ZNF519: variants seen among roughly 807,000 people sequenced by gnomAD.
ZNF519 encodes the protein zinc finger protein 519.
ZNF519 carries 7 observed loss-of-function variants against 7.4 expected under a neutral mutation model. The ratio of observed to expected loss-of-function variants is 0.94; its 90% confidence interval spans 0.54 to 1.77. ZNF519 has a LOEUF of 1.77. ZNF519 is among the 40% of genes most tolerant of loss of function. The pLI, the probability that ZNF519 is intolerant of heterozygous loss-of-function variation, is 0.00. For synonymous variants in ZNF519, 179 were observed against 203.3 expected, an observed-to-expected ratio of 0.88 and a Z score of 1.02; for missense variants, 586 against 623.1, an observed-to-expected ratio of 0.94 and a Z score of 0.63.
At chr18:14,091,861 G>A (rs113928451) in intron 2 of ZNF519, among the ~76,000 whole-genome samples, 6 of 152,218 alleles carry the variant, frequency 3.9e-5, no homozygotes, top group African/African-American at 1.2e-4. Context: ...GGACAGAAAC[G>A]ACAATAGCCC....
intron 3 of ZNF519, chr18:14,082,387 A>T (rs2046073957): frequency 6.6e-6 from 1 of 152,184 alleles, no homozygotes. Context: ...TATAGTTTTA[A>T]AAAAGAATAC....
At chr18:14,118,524 T>G (rs1179382397) in intron 2 of ZNF519, among the ~76,000 whole-genome samples, 1 of 152,080 alleles carries the variant, frequency 6.6e-6, no homozygotes, top group Non-Finnish European at 1.5e-5. Flanking sequence ...AAACAGGCAG[T>G]AGAAAGATGA....
chr18:14,086,385 T>C (rs1054684962), intron 2 of ZNF519, among the ~76,000 whole-genome samples: 1 of 152,180 alleles, frequency 6.6e-6, no homozygotes, highest in African/African-American at 2.4e-5. Flanking sequence ...GCCGTGGAAC[T>C]TGAGGATCCC....
downstream of ZNF519, among the ~76,000 whole-genome samples, chr18:14,095,820 G>A (rs1241055812): frequency 6.6e-6 from 1 of 152,216 alleles, no homozygotes; most frequent in African/African-American, 2.4e-5. Flanking sequence ...AGGACTGGGG[G>A]AGAAAAGGTA....
rs140011753 is a variant in ZNF519, at chr18:14,082,423, A to G, written c.*177+2454T>C. 293 of 152,248 alleles carry G rather than the reference A, an allele frequency of 1.9e-3. 3 individuals carry two copies. The highest frequency in any genetic ancestry group is 6.7e-3 in the African/African-American group (280 of 41,540). The allele number at this position is 152,248 out of a possible 1,614,324, so 9.4% of individuals were successfully genotyped here. ...TACATAACAATAGATTCACCGAACT[A>G]TTTTTTCAACTCACATAATTATGTG... is the stretch of plus-strand genomic sequence containing the variant. On this transcript the variant is annotated intron_variant and NMD_transcript_variant, in intron 3 of 4. Transcript: ENST00000587419.
intron 2 of ZNF519, among the ~76,000 whole-genome samples, chr18:14,120,974 T>TAC (rs892049662): frequency 6.6e-6 from 1 of 151,726 alleles, no homozygotes; most frequent in African/African-American, 2.4e-5. Flanking sequence ...TGTGTGTACA[T>TAC]ACACACACAC....
chr18:14,073,242 A>ATTTATTTATTTATTTATT (rs1555628622), downstream of ZNF519: 1 of 146,508 alleles, frequency 6.8e-6, no homozygotes, highest in Non-Finnish European at 1.5e-5. Context: ...TTTTATTTTT[A>ATTTATTTATTTATTTATT]TATTTATTTA....
chr18:14,071,718 TATG>T (rs2046029120), downstream of ZNF519: 1 of 152,080 alleles, frequency 6.6e-6, no homozygotes, highest in South Asian at 2.1e-4. Context: ...CCAATACTTC[TATG>T]ATATGACCTG....
chr18:14,131,665 A>C (rs1567957913), intron 1 of ZNF519, among the ~76,000 whole-genome samples: 2 of 152,200 alleles, frequency 1.3e-5, no homozygotes, highest in Admixed American at 6.5e-5. Flanking sequence ...GAGGAAACGA[A>C]ATTCAAGCTT....
intron 1 of ZNF519, among the ~76,000 whole-genome samples, chr18:14,127,337 T>C (rs1196509426): frequency 6.6e-6 from 1 of 152,222 alleles, no homozygotes; most frequent in African/African-American, 2.4e-5. Context: ...GTTTTCTGTA[T>C]GTCTTCAACC....
intron 2 of ZNF519, among the ~76,000 whole-genome samples, chr18:14,114,450 ATATGGATT>A (rs1390692296): frequency 6.6e-6 from 1 of 152,170 alleles, no homozygotes; most frequent in African/African-American, 2.4e-5. Flanking sequence ...TGCTATAGCT[ATATGGATT>A]TATCTCTGCG....
chr18:14,096,375 C>T (rs1176596146), downstream of ZNF519, among the ~76,000 whole-genome samples: 1 of 152,108 alleles, frequency 6.6e-6, no homozygotes, highest in Non-Finnish European at 1.5e-5. Context: ...GATAGTTGTT[C>T]AATTTGATGT....
intron 1 of ZNF519, among the ~76,000 whole-genome samples, chr18:14,132,067 C>T (rs573428454): frequency 6.6e-6 from 1 of 152,098 alleles, no homozygotes. Context: ...TGCAGGGCTG[C>T]GGGCGCAGAG....
intron 2 of ZNF519, among the ~76,000 whole-genome samples, chr18:14,117,414 A>T (rs2046251182): frequency 6.6e-6 from 1 of 152,216 alleles, no homozygotes; most frequent in Admixed American, 6.5e-5. Context: ...TCAAGCAAAC[A>T]AAAAATAACA....
intron 1 of ZNF519, among the ~76,000 whole-genome samples, chr18:14,126,370 C>T (rs1388423850): frequency 6.6e-6 from 1 of 152,116 alleles, no homozygotes; most frequent in Non-Finnish European, 1.5e-5. Context: ...TTTCCTAGAG[C>T]AATTATATTA....
intron 2 of ZNF519, among the ~76,000 whole-genome samples, chr18:14,117,661 G>A (rs1423987412): frequency 6.6e-6 from 1 of 152,178 alleles, no homozygotes; most frequent in African/African-American, 2.4e-5. Context: ...AGGCTGTACA[G>A]GAAGCATAGC....
chr18:14,075,792 C>G (rs544009460), downstream of ZNF519: 2 of 152,026 alleles, frequency 1.3e-5, no homozygotes, highest in South Asian at 4.2e-4. Flanking sequence ...GTTAGAGGAT[C>G]CTGAAGGGAA....
Position 14,105,426 on chromosome 18 carries a change from CG to C in ZNF519, c.1113del (p.Gly372GlufsTer165). ...SYLTQHQRIH[T>X]GEKPFRCKEC... ...TCCTTACATCTGAAAGGTTTCTCTC[CG>C]GTATGGATTCTCTGGTGTTGAGTAA... On this transcript the variant is annotated frameshift_variant, in exon 3 of 3. Coordinates refer to ENST00000590202, the MANE Select transcript of ZNF519 (RefSeq NM_145287.4). LOFTEE classifies it low-confidence loss of function (END_TRUNC). 6.2e-7 allele frequency: 1 copy of C among 1,613,768 alleles called. No homozygotes were observed. The highest frequency in any genetic ancestry group is 2.2e-5 in the East Asian group (1 of 44,864).
At chr18:14,085,717 G>A (rs1374544550) in intron 2 of ZNF519, among the ~76,000 whole-genome samples, 5 of 152,060 alleles carry the variant, frequency 3.3e-5, no homozygotes, top group Admixed American at 3.3e-4. Context: ...GTGACTGAAG[G>A]ACTTTGACTT....
Sources: allele counts gnomAD v4.1 joint callset (sites outside exome capture counted in the v4.1 genomes callset), GRCh38; gene constraint gnomAD v4.1.1; transcripts MANE v1.5; gene names NCBI Gene and HGNC (gene_info 2026-07-23, HGNC 2026-07-21).